The following FAM204A variants were observed in gnomAD, a reference collection of about 807,000 sequenced individuals.
FAM204A encodes protein FAM204A.
FAM204A carries 16 observed loss-of-function variants against 35.4 expected under a neutral mutation model. The ratio of observed to expected loss-of-function variants is 0.45; its 90% CI spans 0.31 to 0.69. The LOEUF (loss-of-function observed/expected upper bound fraction) is 0.69, where lower values mean the gene tolerates loss of function less well. Among genes scored for constraint, FAM204A ranks in the 30% least tolerant of loss-of-function variants. The pLI is 0.07. For synonymous variants in FAM204A, 76 were observed against 86.9 expected (o/e 0.88, Z 0.70); for missense variants, 240 against 265.7 (o/e 0.90, Z 0.67).
At chr10:118,313,739 T>C (rs1845988134) in intron 7 of FAM204A, among the ~76,000 whole-genome samples, 1 of 152,176 alleles carries the variant, frequency 6.6e-6, no homozygotes, top group South Asian at 2.1e-4. Flanking sequence ...TAGCTTCTCT[T>C]ATATTTCAAC....
At chr10:118,331,526 G>A (rs1180457275) in intron 6 of FAM204A, among the ~76,000 whole-genome samples, 2 of 152,096 alleles carry the variant, frequency 1.3e-5, no homozygotes, top group Non-Finnish European at 2.9e-5. Flanking sequence ...AAATGTATGG[G>A]TACTTGGTTT....
intron 6 of FAM204A, among the ~76,000 whole-genome samples, chr10:118,332,509 T>A (rs1313766506): frequency 3.1e-5 from 3 of 96,344 alleles, no homozygotes; most frequent in Non-Finnish European, 7.1e-5. Context: ...TCCACATCCC[T>A]ATGCCCCTCC....
rs1000477780 is a variant in FAM204A at position 118,299,242 on chromosome 10, G to C, written c.*11615C>G. Reference sequence around the variant, plus strand: ...TCTTCCTTTGGGCAGTACTGCTTAAGTGTTTTCATACCACTCTCCATTTCC... The same window carrying C: ...TCTTCCTTTGGGCAGTACTGCTTAACTGTTTTCATACCACTCTCCATTTCC... On this transcript the variant is annotated 3_prime_UTR_variant, in exon 9 of 9. Transcript: ENST00000369183. 2.0e-5 allele frequency: 3 copies of C among 152,024 alleles called. No individual in the cohort carries two copies. Among genetic ancestry groups the C allele is most frequent in the African/African-American group, 7.2e-5 (3 of 41,392 alleles). 9.4% of individuals were successfully genotyped at this position (152,024 alleles called of 1,614,324 possible). A position where few individuals can be genotyped will look rare whatever the true frequency, so the allele number is the denominator to read the frequency against.
At chr10:118,327,542 G>A (rs1377671025) in intron 6 of FAM204A, among the ~76,000 whole-genome samples, 1 of 152,100 alleles carries the variant, frequency 6.6e-6, no homozygotes, top group Non-Finnish European at 1.5e-5. Flanking sequence ...ACTCATTCTT[G>A]TCCTGTGATC....
chr10:118,320,357 G>A (rs949998086), intron 7 of FAM204A, among the ~76,000 whole-genome samples: 2 of 151,070 alleles, frequency 1.3e-5, no homozygotes, highest in African/African-American at 4.9e-5. Flanking sequence ...CTAGACTTTA[G>A]CACTTAATCT....
intron 2 of FAM204A, chr10:118,337,366 C>T (rs999233669): frequency 5.7e-5 from 22 of 388,538 alleles, no homozygotes; most frequent in African/African-American, 2.0e-4. Flanking sequence ...AATGGAAGGA[C>T]GGAAATTTGT....
At chr10:118,329,899 G>A (rs1227799799) in intron 6 of FAM204A, among the ~76,000 whole-genome samples, 1 of 152,100 alleles carries the variant, frequency 6.6e-6, no homozygotes, top group Non-Finnish European at 1.5e-5. Context: ...AGCTTCCAGA[G>A]AATTCACAAC....
At position 118,310,115 on chromosome 10, in the gene FAM204A, A is replaced by G. The variant is rs1272019055; in HGVS notation, c.*742T>C. The G allele has an allele frequency of 1.3e-5, 2 of 152,146 alleles. No homozygotes were observed. The highest frequency in any genetic ancestry group is 4.8e-5 in the African/African-American group (2 of 41,410). The allele number at this position is 152,146 out of a possible 1,614,324, so 9.4% of individuals were successfully genotyped here. A position where few individuals can be genotyped will look rare whatever the true frequency, so the allele number is the denominator to read the frequency against. Reference sequence around the variant, plus strand: ...ACTTTTTGGTACTTACGACTAATCCATTATAAACAACTGTCAGTCTTAAAA... The same window carrying G: ...ACTTTTTGGTACTTACGACTAATCCGTTATAAACAACTGTCAGTCTTAAAA... On this transcript the variant is annotated 3_prime_UTR_variant, in exon 9 of 9. Transcript: ENST00000369183.
intron 7 of FAM204A, among the ~76,000 whole-genome samples, chr10:118,316,260 G>C (rs1180237246): frequency 1.3e-5 from 2 of 152,114 alleles, no homozygotes; most frequent in Non-Finnish European, 2.9e-5. Flanking sequence ...TTGCAGTGAA[G>C]GAGTTTTAAG....
rs754662914 is a variant in FAM204A, at chr10:118,335,421, A to T, written c.328T>A (p.Leu110Met). ...CTATGTAATTCTTTTTCATTCTTCA[A>T]TTTATCTGAAAAGAATTCACAAAGT... is the stretch of plus-strand genomic sequence containing the variant. ...KRRKRSRKDK[L>M]KNEKELHSEP... Residue 110 changes from leucine (L) to methionine (M), a missense_variant, in exon 5 of 9, where the codon TTG becomes ATG. Around this residue, in one of 2 missense-constraint regions of FAM204A, gnomAD observed 232 missense variants for 242.8 expected, o/e 0.96. Coordinates refer to ENST00000369183, the MANE Select transcript of FAM204A (RefSeq NM_022063.3). The T allele has an allele frequency of 2.5e-6, 4 of 1,594,870 alleles. No homozygotes were observed. The highest frequency in any genetic ancestry group is 3.4e-6 in the Non-Finnish European group (4 of 1,171,090).
chr10:118,335,782 G>T, intron 3 of FAM204A, 141 bp from the exon 4 acceptor site: 1 of 668,190 alleles, frequency 1.5e-6, no homozygotes, highest in Non-Finnish European at 2.4e-6. Context: ...TTCTTGAGAT[G>T]CTCTATTCTC....
intron 2 of FAM204A, among the ~76,000 whole-genome samples, chr10:118,337,710 C>G (rs1846410836): frequency 6.6e-6 from 1 of 152,094 alleles, no homozygotes. Context: ...ATCTCTGACC[C>G]TCAATTTCTT....
intron 2 of FAM204A, chr10:118,337,227 C>A: frequency 1.5e-5 from 15 of 984,666 alleles, no homozygotes; most frequent in Non-Finnish European, 1.8e-5. Flanking sequence ...AGTACATACT[C>A]ACTATTGATC....
At chr10:118,326,552 G>A (rs1187194351) in intron 6 of FAM204A, among the ~76,000 whole-genome samples, 3 of 152,144 alleles carry the variant, frequency 2.0e-5, no homozygotes. Flanking sequence ...TAAAAATTAT[G>A]GAGTGTTTAT....
chr10:118,335,085 G>A (rs1846357412), intron 6 of FAM204A, 29 bp downstream of exon 6: 3 of 1,463,490 alleles, frequency 2.0e-6, no homozygotes, highest in Non-Finnish European at 2.9e-6. Flanking sequence ...CCTACTAGCT[G>A]GTATAAGATG....
rs1268450184 is a variant in FAM204A, at chr10:118,309,548, T to C, written c.*1309A>G. 6.6e-6 allele frequency: 1 copy of C among 152,216 alleles called. No individual in the cohort carries two copies. The highest frequency in any genetic ancestry group is 1.5e-5 in the Non-Finnish European group (1 of 68,036). The allele number at this position is 152,216 out of a possible 1,614,324, so 9.4% of individuals were successfully genotyped here. A position where few individuals can be genotyped will look rare whatever the true frequency, so the allele number is the denominator to read the frequency against. On this transcript the variant is annotated 3_prime_UTR_variant, in exon 9 of 9. Transcript: ENST00000369183. ...GTGGTTCTTTACCTCCGCTGGGCAC[T>C]GAGCAGGGAGGTGCCGACACACCTG...
intron 2 of FAM204A, among the ~76,000 whole-genome samples, chr10:118,336,648 T>C (rs1203372420): frequency 6.6e-6 from 1 of 152,156 alleles, no homozygotes; most frequent in Non-Finnish European, 1.5e-5. Flanking sequence ...AAAAGCTGTT[T>C]AAACAAGTTT....
chr10:118,321,896 C>A (rs1027565615), intron 7 of FAM204A, among the ~76,000 whole-genome samples: 2 of 152,012 alleles, frequency 1.3e-5, no homozygotes, highest in Non-Finnish European at 2.9e-5. Context: ...CATATGCAAC[C>A]GCTGGTGGGC....
chr10:118,339,543 G>A (rs1043400501), intron 2 of FAM204A, among the ~76,000 whole-genome samples: 2 of 152,094 alleles, frequency 1.3e-5, no homozygotes, highest in East Asian at 3.9e-4. Flanking sequence ...CCAGAAACGT[G>A]GAATATCAGA....
Sources: gnomAD v4.1 joint callset for allele counts (sites outside exome capture counted in the v4.1 genomes callset) on GRCh38, gnomAD v4.1.1 for gene constraint, gnomAD v4.1.1 regional missense constraint, MANE v1.5 for transcripts, NCBI Gene and HGNC (gene_info 2026-07-23, HGNC 2026-07-21) for gene names.